Variants in CELA1 observed in about 807,000 individuals in gnomAD.
The protein encoded by CELA1 is chymotrypsin-like elastase family member 1.
A neutral mutation model predicts 34.8 loss-of-function variants in CELA1; 28 were observed. That is an observed-to-expected ratio of 0.80 (90% CI 0.60 to 1.10). The LOEUF (loss-of-function observed/expected upper bound fraction) is 1.10. Among genes scored for constraint, CELA1 ranks in the 50% least tolerant of loss-of-function variants. The probability of loss-of-function intolerance (pLI) is 0.00; values close to 1 mark genes in which losing one functional copy is unlikely to be tolerated. For synonymous variants in CELA1, 140 were observed against 129.8 expected (o/e 1.08, Z -0.53); for missense variants, 288 against 327.5 (o/e 0.88, Z 0.93).
chr12:51,341,493 T>C, intron 4 of CELA1, 113 bp from the exon 5 acceptor site: 1 of 1,183,882 alleles, frequency 8.4e-7, no homozygotes, highest in Non-Finnish European at 1.2e-6. Flanking sequence ...AAGTGACGAC[T>C]TTGAAGAAGG....
chr12:51,345,739 G>T, intron 2 of CELA1, 56 bp downstream of exon 2: 1 of 1,184,278 alleles, frequency 8.4e-7, no homozygotes, highest in Non-Finnish European at 1.2e-6. Context: ...GATACCTTAT[G>T]TCATGCACTG....
In CELA1 at chr12:51,329,771, G is replaced by C; in HGVS notation, c.672C>G (p.Thr224=). ...TACAGCCCCGGCTGGACACAAAGCT[G>C]GTCACTCCATGGACAGAATACTTGC... ...VNGKYSVHGV[T]SFVSSRGCNV... The change falls in exon 7 of 8, where the codon ACC becomes ACG. Residue 224 remains threonine (T), a synonymous_variant. Transcript: ENST00000293636. 2.5e-6 allele frequency: 4 copies of C among 1,613,946 alleles called. No individual in the cohort carries two copies. In the South Asian group the frequency reaches 4.4e-5, roughly 18 times the overall value.
At position 51,328,445 on chromosome 12, in the gene CELA1, T is replaced by G; in HGVS notation, c.*132A>C. On this transcript the variant is annotated 3_prime_UTR_variant, in exon 8 of 8. Transcript: ENST00000293636. ...ATTACAAATAGACACAGTATGATAA[T>G]GTATATCTAGTTTTATTTGCTTTTC... is the stretch of plus-strand genomic sequence containing the variant. The G allele has an allele frequency of 1.1e-6, 1 of 895,252 alleles. No homozygotes were observed. The highest frequency in any genetic ancestry group is 1.8e-6 in the Non-Finnish European group (1 of 550,158). The allele number at this position is 895,252 out of a possible 1,614,324, so 55.5% of individuals were successfully genotyped here.
In CELA1 at chr12:51,345,842, G is replaced by A. The variant is rs1024697706; in HGVS notation, c.52C>T (p.Arg18Cys). Residue 18 changes from arginine (R) to cysteine (C), a missense_variant, in exon 2 of 8, where the codon CGC (arginine) becomes TGC (cysteine). Arg to Cys is a radical substitution (Grantham distance 180). Coordinates refer to ENST00000293636, the MANE Select transcript of CELA1 (RefSeq NM_001971.6). ...CCGGCCTCAGTCCCTCCGACTACGC[G>A]GGCATTGGTTTCCGGAAGGTCCTGG... is the stretch of plus-strand genomic sequence containing the variant. ...STQDLPETNA[R>C]VVGGTEAGRN... The A allele has an allele frequency of 9.0e-6, 14 of 1,560,122 alleles. No individual in the cohort carries two copies. Among genetic ancestry groups the A allele is most frequent in the East Asian group, 7.2e-5 (3 of 41,866 alleles).
At chr12:51,332,928 AT>A (rs963914420) in intron 6 of CELA1, among the ~76,000 whole-genome samples, 11 of 152,004 alleles carry the variant, frequency 7.2e-5, no homozygotes, top group African/African-American at 2.7e-4. Flanking sequence ...AACTGGGATA[AT>A]TCTGTGTGTG....
chr12:51,342,814 T>A lies in CELA1; in HGVS notation c.201-114A>T, dbSNP rs1946545832. 7 of 820,298 alleles carry A rather than the reference T, an allele frequency of 8.5e-6. No homozygotes were observed. In the East Asian group the frequency reaches 3.2e-4, roughly 38 times the overall value. 50.8% of individuals were successfully genotyped at this position (820,298 alleles called of 1,614,324 possible). ...TTTTAATCATTATTATTTAGGAAATTTTTTTTTTTTTTTAGAGATGGGGTT... is the reference window on the plus strand; with the variant it reads ...TTTTAATCATTATTATTTAGGAAATATTTTTTTTTTTTTAGAGATGGGGTT... On this transcript the variant is annotated intron_variant, in intron 3 of 7. Coordinates refer to ENST00000293636, the MANE Select transcript of CELA1 (RefSeq NM_001971.6).
intron 6 of CELA1, among the ~76,000 whole-genome samples, chr12:51,336,819 C>G (rs1024556654): frequency 6.6e-6 from 1 of 152,158 alleles, no homozygotes; most frequent in African/African-American, 2.4e-5. Flanking sequence ...CCAGATCCTC[C>G]TCCTTCCCTC....
At chr12:51,342,894 C>T (rs766777517) in intron 3 of CELA1, among the ~76,000 whole-genome samples, 194 bp from the exon 4 acceptor site, 11 of 151,722 alleles carry the variant, frequency 7.3e-5, no homozygotes, top group African/African-American at 1.5e-4. Context: ...ATCCTCCCAC[C>T]GCAGCTTCCC....
At chr12:51,345,370 A>G (rs1353193744) in intron 2 of CELA1, among the ~76,000 whole-genome samples, 1 of 152,218 alleles carries the variant, frequency 6.6e-6, no homozygotes, top group Non-Finnish European at 1.5e-5. Context: ...AACTCTAAAT[A>G]GCCAACTAAG....
intron 6 of CELA1, among the ~76,000 whole-genome samples, chr12:51,335,550 G>A (rs897390509): frequency 2.6e-5 from 4 of 151,686 alleles, no homozygotes; most frequent in African/African-American, 9.7e-5. Flanking sequence ...CACCGCGCCC[G>A]GCCAATTTTC....
chr12:51,341,340 G>C lies in CELA1; in HGVS notation c.367C>G (p.Leu123Val). 1 of 1,614,182 alleles carries C rather than the reference G, an allele frequency of 6.2e-7. No homozygotes were observed. Residue 123 changes from leucine (L) to valine (V), a missense_variant, in exon 5 of 8, where the codon CTC (leucine) becomes GTC (valine). Coordinates refer to ENST00000293636, the MANE Select transcript of CELA1 (RefSeq NM_001971.6). ...ALLRLAQSVT[L>V]NSYVQLGVLP... ...ACACCCAGCTGGACATAGCTATTGA[G>C]GGTAACGCTCTGGGCCAGGCGCAGC...
At chr12:51,343,640 C>T (rs778544424) in intron 3 of CELA1, 113 bp downstream of exon 3, 3 of 661,658 alleles carry the variant, frequency 4.5e-6, no homozygotes, top group Non-Finnish European at 8.3e-6. Context: ...GGAAAGGAGC[C>T]ACTGCCCAGT....
At chr12:51,339,753 T>G (rs1169272141) in intron 6 of CELA1, 107 bp downstream of exon 6, 3 of 1,053,312 alleles carry the variant, frequency 2.8e-6, no homozygotes, top group Non-Finnish European at 4.1e-6. Flanking sequence ...GAAAATTGAG[T>G]CTGTGTAGGA....
At chr12:51,341,421 C>T (rs752296221) in intron 4 of CELA1, 41 bp from the exon 5 acceptor site, 1 of 1,611,916 alleles carries the variant, frequency 6.2e-7, no homozygotes, top group Non-Finnish European at 8.5e-7. Context: ...GGGATCAGCT[C>T]TTCCCTGAGG....
chr12:51,333,710 A>G (rs1295185412), intron 6 of CELA1, among the ~76,000 whole-genome samples: 19 of 152,170 alleles, frequency 1.2e-4, no homozygotes, highest in Non-Finnish European at 1.5e-5. Flanking sequence ...ATTACTTTAA[A>G]GTGGAACTAC....
At chr12:51,341,850 G>GT (rs1200835236) in intron 4 of CELA1, among the ~76,000 whole-genome samples, 1 of 151,418 alleles carries the variant, frequency 6.6e-6, no homozygotes, top group East Asian at 1.9e-4. Flanking sequence ...ATTTTCCCGT[G>GT]TAAGATTCAC....
chr12:51,341,143 C>T, intron 5 of CELA1, 101 bp downstream of exon 5: 2 of 1,254,984 alleles, frequency 1.6e-6, no homozygotes, highest in Non-Finnish European at 2.3e-6. Flanking sequence ...AGCTCCTGGT[C>T]TCTGGCCATA....
Position 51,329,808 on chromosome 12 carries a change from C to T in CELA1, c.635G>A (p.Cys212Tyr). ...GACAGAATACTTGCCATTCACCAAG[C>T]AATGGAGGGGGCCCCCAGAGTCACC... is the stretch of plus-strand genomic sequence containing the variant. ...CQGDSGGPLHCLVNGKYSVHG... is the reference protein window; with the variant it reads ...CQGDSGGPLHYLVNGKYSVHG... The change falls in exon 7 of 8, where the codon TGC becomes TAC. Residue 212 changes from cysteine to tyrosine, a missense_variant. Coordinates refer to ENST00000293636, the MANE Select transcript of CELA1 (RefSeq NM_001971.6). 6.2e-7 allele frequency: 1 copy of T among 1,603,184 alleles called. No individual in the cohort carries two copies. Among genetic ancestry groups the T allele is most frequent in the Non-Finnish European group, 8.5e-7 (1 of 1,173,276 alleles).
intron 3 of CELA1, 133 bp from the exon 4 acceptor site, chr12:51,342,833 TGGG>T: frequency 2.0e-6 from 2 of 986,098 alleles, no homozygotes; most frequent in Non-Finnish European, 2.8e-6. Context: ...TTTTTAGAGA[TGGG>T]GTTTTGCTGT....
Sources: gnomAD v4.1 joint callset for allele counts (sites outside exome capture counted in the v4.1 genomes callset) on GRCh38, gnomAD v4.1.1 for gene constraint, MANE v1.5 for transcripts, NCBI Gene and HGNC (gene_info 2026-07-23, HGNC 2026-07-21) for gene names.